SNTB2: variants seen among roughly 807,000 people sequenced by gnomAD.
The protein encoded by SNTB2 is beta-2-syntrophin.
In SNTB2, 34 loss-of-function variants were observed where a neutral mutation model predicts 46.2. That is an observed-to-expected ratio of 0.74 (90% CI 0.56 to 0.98). SNTB2 has a LOEUF of 0.98. Ranked by LOEUF, SNTB2 falls within the 50% of genes least tolerant of loss-of-function variation. The pLI, the probability that SNTB2 is intolerant of heterozygous loss-of-function variation, is 0.00. For synonymous variants in SNTB2, 290 were observed against 312.6 expected (o/e 0.93, Z 0.76); for missense variants, 603 against 731.4 (o/e 0.82, Z 2.02).
chr16:69,219,494 A>C (rs911334251), intron 1 of SNTB2, among the ~76,000 whole-genome samples: 2 of 152,242 alleles, frequency 1.3e-5, no homozygotes, highest in Non-Finnish European at 1.5e-5. Context: ...GTTAATAGTC[A>C]TTACTACACA....
Position 69,303,769 on chromosome 16 carries a change from T to A in SNTB2, c.*2845T>A, listed in dbSNP as rs1965295065. The A allele has an allele frequency of 6.5e-6, 1 of 152,698 alleles. No homozygotes were observed. The highest frequency in any genetic ancestry group is 2.1e-4 in the South Asian group (1 of 4,834). 9.5% of individuals were successfully genotyped at this position (152,698 alleles called of 1,614,324 possible). ...AATGAATGGGACACCATGATAAATA[T>A]GTATTTATATTTAGATGCCAAAGTA... On this transcript the variant is annotated 3_prime_UTR_variant, in exon 7 of 7. Transcript: ENST00000336278.
intron 1 of SNTB2, among the ~76,000 whole-genome samples, chr16:69,220,630 C>G (rs1964394821): frequency 6.6e-6 from 1 of 151,936 alleles, no homozygotes; most frequent in Admixed American, 6.6e-5. Context: ...TGGGCTCAAG[C>G]AATCCTTCTG....
chr16:69,270,298 A>G lies in SNTB2; in HGVS notation c.1148+13A>G, dbSNP rs868691566. ...TTGTTGCCACCAGGTAAGTAAGACT[A>G]AAGATAAGGAAGTAAAATATTTATC... On this transcript the variant is annotated intron_variant, in intron 4 of 6. Coordinates refer to ENST00000336278, the MANE Select transcript of SNTB2 (RefSeq NM_006750.4). 4 of 1,613,942 alleles carry G rather than the reference A, an allele frequency of 2.5e-6. No homozygotes were observed. Among genetic ancestry groups the G allele is most frequent in the Middle Eastern group, 1.6e-4 (1 of 6,062 alleles).
chr16:69,206,521 A>G (rs566849821), intron 1 of SNTB2, among the ~76,000 whole-genome samples: 13 of 151,686 alleles, frequency 8.6e-5, no homozygotes, highest in South Asian at 2.1e-4. Flanking sequence ...GAGAAACCCT[A>G]TCTCTACTAA....
chr16:69,284,336 T>C, intron 5 of SNTB2, 92 bp downstream of exon 5: 3 of 1,058,022 alleles, frequency 2.8e-6, no homozygotes, highest in Non-Finnish European at 4.0e-6. Flanking sequence ...CAGTGATGGA[T>C]TGCATACATG....
At position 69,249,897 on chromosome 16, in the gene SNTB2, G is replaced by A. The variant is rs1423784151; in HGVS notation, c.794+4082G>A. Among the ~76,000 whole-genome samples, 9 of 152,128 alleles carry A rather than the reference G, an allele frequency of 5.9e-5. No homozygotes were observed. The South Asian group carries it at 6.2e-4, about 11-fold the overall frequency. ...GTGGATCACTTGATATCAGGAGTTC[G>A]AGACCAGCCTGGCCAACATGGTGAA... On this transcript the variant is annotated intron_variant, in intron 2 of 6. Transcript: ENST00000336278.
rs137958299 is a variant in SNTB2 at position 69,238,914 on chromosome 16, C to A, written c.581-6688C>A. On this transcript the variant is annotated intron_variant, in intron 1 of 6. Coordinates refer to ENST00000336278, the MANE Select transcript of SNTB2 (RefSeq NM_006750.4). ...TGGTCACTTGCTCCTGAAAATCTCC[C>A]AATAGCTTCCTGTTTCAGAATAAAA... 7.6e-3 allele frequency among the ~76,000 whole-genome samples: 1,156 copies of A among 152,202 alleles called. 14 individuals are homozygous for A. Among genetic ancestry groups the A allele is most frequent in the African/African-American group, 0.025 (1,040 of 41,516 alleles).
chr16:69,198,098 ATTT>A (rs34676761), intron 1 of SNTB2, among the ~76,000 whole-genome samples: 1,807 of 128,352 alleles, frequency 0.014, 17 homozygotes, highest in Non-Finnish European at 0.02. Context: ...AACAGAGTTG[ATTT>A]TTTTTTTTTT....
At chr16:69,293,212 G>T (rs1361094241) in intron 5 of SNTB2, among the ~76,000 whole-genome samples, 1 of 152,072 alleles carries the variant, frequency 6.6e-6, no homozygotes, top group Non-Finnish European at 1.5e-5. Flanking sequence ...AGTCAGTTTG[G>T]CTCATATGTC....
chr16:69,280,378 A>G (rs1169967489), intron 4 of SNTB2, among the ~76,000 whole-genome samples: 1 of 152,112 alleles, frequency 6.6e-6, no homozygotes, highest in Non-Finnish European at 1.5e-5. Context: ...GCTGTTGGGT[A>G]CACCTCCCAG....
In SNTB2 at chr16:69,232,127, G is replaced by A. The variant is rs116042086; in HGVS notation, c.581-13475G>A. 5.1e-3 allele frequency among the ~76,000 whole-genome samples: 778 copies of A among 151,706 alleles called. 3 individuals are homozygous for A. Among genetic ancestry groups the A allele is most frequent in the African/African-American group, 0.017 (687 of 41,362 alleles). On this transcript the variant is annotated intron_variant, in intron 1 of 6. Coordinates refer to ENST00000336278, the MANE Select transcript of SNTB2 (RefSeq NM_006750.4). ...GTAATAGATATTCAAGTTAGACTTC[G>A]ATGAGGCCTAAAAAATACTGGGGCT...
At chr16:69,290,516 A>T (rs1965150222) in intron 5 of SNTB2, among the ~76,000 whole-genome samples, 1 of 152,198 alleles carries the variant, frequency 6.6e-6, no homozygotes. Context: ...TATATTGTTA[A>T]AATATATGAA....
chr16:69,187,812 T>C, intron 1 of SNTB2, 66 bp downstream of exon 1: 2 of 1,256,516 alleles, frequency 1.6e-6, no homozygotes, highest in East Asian at 3.2e-5. Flanking sequence ...GCTCACTTTG[T>C]TCCTGCCCCG....
chr16:69,294,818 AT>A (rs779924377), intron 5 of SNTB2, among the ~76,000 whole-genome samples: 211 of 139,908 alleles, frequency 1.5e-3, no homozygotes, highest in Admixed American at 1.3e-3. Flanking sequence ...GTAGTTTTTG[AT>A]TTTTTTTTTT....
chr16:69,232,558 C>G (rs1964518265), intron 1 of SNTB2, among the ~76,000 whole-genome samples: 1 of 119,706 alleles, frequency 8.4e-6, no homozygotes, highest in African/African-American at 3.3e-5. Context: ...TGTTGCCAGG[C>G]TGGAGTGCAG....
intron 1 of SNTB2, among the ~76,000 whole-genome samples, chr16:69,197,676 T>A (rs532595072): frequency 2.0e-5 from 3 of 152,238 alleles, no homozygotes; most frequent in Non-Finnish European, 4.4e-5. Context: ...CCAAAGTATA[T>A]TCATCTTTAC....
chr16:69,260,351 A>G, intron 3 of SNTB2, 91 bp downstream of exon 3: 2 of 1,157,722 alleles, frequency 1.7e-6, no homozygotes, highest in Non-Finnish European at 2.5e-6. Context: ...CTTACCATGC[A>G]GTTAGGACCT....
At chr16:69,232,399 G>GT (rs1024907402) in intron 1 of SNTB2, among the ~76,000 whole-genome samples, 10 of 149,054 alleles carry the variant, frequency 6.7e-5, no homozygotes, top group Non-Finnish European at 1.3e-4. Context: ...TAGAGACGGG[G>GT]TTTCACCATG....
intron 3 of SNTB2, among the ~76,000 whole-genome samples, chr16:69,269,043 C>T (rs1442378261): frequency 1.3e-5 from 2 of 151,622 alleles, no homozygotes; most frequent in Admixed American, 6.6e-5. Flanking sequence ...GTGGCACATG[C>T]CTATAATCCC....
Sources: allele counts gnomAD v4.1 joint callset (sites outside exome capture counted in the v4.1 genomes callset), GRCh38; gene constraint gnomAD v4.1.1; transcripts MANE v1.5; gene names NCBI Gene and HGNC (gene_info 2026-07-23, HGNC 2026-07-21).